Variants in ARID1B observed in about 807,000 individuals in gnomAD.
The protein encoded by ARID1B is AT-rich interaction domain 1B.
ARID1B carries 30 observed loss-of-function variants against 212.3 expected under a neutral mutation model. The observed-to-expected ratio is 0.14, with a 90% CI of 0.11 to 0.19. The LOEUF (loss-of-function observed/expected upper bound fraction) is 0.19, where lower values mean the gene tolerates loss of function less well. Among genes scored for constraint, ARID1B ranks in the 10% least tolerant of loss-of-function variants. The pLI is 1.00. For missense variants in ARID1B, 2,891 were observed against 3,204.0 expected, an observed-to-expected ratio of 0.90 and a Z score of 2.36; for synonymous variants, 1,402 against 1,301.7, an observed-to-expected ratio of 1.08 and a Z score of -1.66.
At chr6:157,194,969 C>T (rs1190803399) in intron 15 of ARID1B, 2 of 152,122 alleles carry the variant, frequency 1.3e-5, no homozygotes, top group African/African-American at 2.4e-5. Flanking sequence ...CAACATTGCA[C>T]CTCTTATCAC....
intron 6 of ARID1B, among the ~76,000 whole-genome samples, chr6:157,121,950 A>G (rs1273733407): frequency 6.6e-6 from 1 of 152,166 alleles, no homozygotes; most frequent in Non-Finnish European, 1.5e-5. Context: ...TTTATAAACT[A>G]GGTAAAGTCT....
intron 4 of ARID1B, among the ~76,000 whole-genome samples, chr6:157,040,486 T>G (rs1283819830): frequency 6.6e-6 from 1 of 152,220 alleles, no homozygotes; most frequent in Non-Finnish European, 1.5e-5. Flanking sequence ...TTTCTGTACT[T>G]TTTTTCCTAC....
chr6:157,070,244 A>G (rs972273924), intron 4 of ARID1B, among the ~76,000 whole-genome samples: 2 of 151,404 alleles, frequency 1.3e-5, no homozygotes, highest in Non-Finnish European at 2.9e-5. Flanking sequence ...GATAAAATAT[A>G]TTTCTCTTAT....
intron 1 of ARID1B, among the ~76,000 whole-genome samples, chr6:156,796,931 G>C (rs1366721619): frequency 6.8e-6 from 1 of 147,184 alleles, no homozygotes; most frequent in Non-Finnish European, 1.5e-5. Flanking sequence ...AGGTCTTTGA[G>C]AGCCTCAGAC....
intron 2 of ARID1B, among the ~76,000 whole-genome samples, chr6:156,885,771 C>T (rs1787453352): frequency 1.3e-5 from 2 of 152,196 alleles, no homozygotes; most frequent in African/African-American, 4.8e-5. Context: ...GTTCCTGTTT[C>T]TTGCCCAGTA....
intron 6 of ARID1B, among the ~76,000 whole-genome samples, chr6:157,117,651 A>G (rs574073904): frequency 1.3e-5 from 2 of 152,340 alleles, no homozygotes; most frequent in South Asian, 4.1e-4. Context: ...GCAGAGACTG[A>G]GCCAAACAAC....
intron 4 of ARID1B, among the ~76,000 whole-genome samples, chr6:157,030,077 A>G (rs1053519257): frequency 6.6e-6 from 1 of 152,182 alleles, no homozygotes; most frequent in African/African-American, 2.4e-5. Flanking sequence ...TCATGATTCT[A>G]CAGTTTGACG....
At chr6:156,805,639 A>G (rs755903824) in intron 1 of ARID1B, among the ~76,000 whole-genome samples, 6 of 151,992 alleles carry the variant, frequency 3.9e-5, no homozygotes, top group Non-Finnish European at 7.4e-5. Flanking sequence ...CTTTCCATAC[A>G]CGGAAGAAAA....
rs368362137 is a variant in ARID1B, at chr6:157,110,539, G to A, written c.2559G>A (p.Gln853=). ...CCAGTTCCCATCCCGCCTTGAGCCAGTCACCAATGCCACAGGAAAGAGGTT... is the reference window on the plus strand; with the variant it reads ...CCAGTTCCCATCCCGCCTTGAGCCAATCACCAATGCCACAGGAAAGAGGTT... ...SESSSHPALS[Q]SPMPQERGFM... is the part of the protein sequence containing the mutation. Residue 853 remains glutamine (Q), a synonymous_variant, in exon 6 of 20, where the codon CAG becomes CAA. Coordinates refer to ENST00000636930, the MANE Select transcript of ARID1B (RefSeq NM_001374828.1). 7 of 1,614,016 alleles carry A rather than the reference G, an allele frequency of 4.3e-6. No homozygotes were observed. In the African/African-American group the frequency reaches 9.3e-5, roughly 22 times the overall value.
Position 156,990,164 on chromosome 6 carries a change from T to C in ARID1B, c.2247+54588T>C, listed in dbSNP as rs184993378. 1.3e-4 allele frequency among the ~76,000 whole-genome samples: 18 copies of C among 139,696 alleles called. No individual in the cohort carries two copies. The East Asian group carries it at 3.6e-3, about 28-fold the overall frequency. The allele number at this position is 139,696 out of a possible 152,430, so 91.6% of individuals were successfully genotyped here. A position where few individuals can be genotyped will look rare whatever the true frequency, so the allele number is the denominator to read the frequency against. ...GTCAATGGACTGGTTACAGAACAGA[T>C]TTCCTTAACTTTTTTTTTTTTTTTT... On this transcript the variant is annotated intron_variant, in intron 4 of 19. Transcript: ENST00000636930.
intron 1 of ARID1B, among the ~76,000 whole-genome samples, chr6:156,792,380 A>G (rs1780072140): frequency 6.6e-6 from 1 of 152,168 alleles, no homozygotes; most frequent in African/African-American, 2.4e-5. Flanking sequence ...GAGGTAGGAG[A>G]AGTGCTTGAG....
intron 4 of ARID1B, among the ~76,000 whole-genome samples, chr6:157,051,341 T>C (rs991677276): frequency 6.6e-6 from 1 of 152,142 alleles, no homozygotes; most frequent in Non-Finnish European, 1.5e-5. Flanking sequence ...AAACAGCAGA[T>C]AGAAATGAGC....
chr6:156,944,216 T>G (rs1416429303), intron 4 of ARID1B, among the ~76,000 whole-genome samples: 1 of 152,128 alleles, frequency 6.6e-6, no homozygotes, highest in Admixed American at 6.6e-5. Flanking sequence ...AAAGTGCGGG[T>G]ACATTGAAAT....
chr6:156,945,099 A>ATTT (rs199862964), intron 4 of ARID1B, among the ~76,000 whole-genome samples: 5 of 104,632 alleles, frequency 4.8e-5, no homozygotes, highest in Non-Finnish European at 7.6e-5. Context: ...ATTTTTTTGT[A>ATTT]TATTTTTTTT....
rs924271737 is a variant in ARID1B, at chr6:156,904,057, C to A, written c.2136+2532C>A. On this transcript the variant is annotated intron_variant, in intron 3 of 19. Transcript: ENST00000636930. ...ACAAGGAAGGGATTCCGAGAAAAGT[C>A]TCTTCCCGTCTTAGTTCCCTCTGCC... Among the ~76,000 whole-genome samples, 11 of 152,298 alleles carry A rather than the reference C, an allele frequency of 7.2e-5. 1 individual carries two copies. The highest frequency in any genetic ancestry group is 3.3e-4 in the Admixed American group (5 of 15,296).
intron 6 of ARID1B, among the ~76,000 whole-genome samples, chr6:157,125,364 C>T (rs772288441): frequency 2.6e-5 from 4 of 152,158 alleles, no homozygotes; most frequent in Admixed American, 6.5e-5. Context: ...CATTTCTTGA[C>T]AGTTGGTAGC....
In ARID1B at chr6:156,880,739, CAAAAAA is replaced by C. The variant is rs141153792; in HGVS notation, c.1987-20617_1987-20612del. Among the ~76,000 whole-genome samples the C allele has an allele frequency of 4.6e-5, 4 of 86,994 alleles. No homozygotes were observed. In the East Asian group the frequency reaches 2.0e-3, roughly 44 times the overall value. 57.1% of individuals were successfully genotyped at this position (86,994 alleles called of 152,430 possible). ...TGGGCCACGGAGCGAGACTCTGTCT[CAAAAAA>C]AAAAAAAAAAAAAAAAAAAGAAAAG... is the stretch of plus-strand genomic sequence containing the variant. On this transcript the variant is annotated intron_variant, in intron 2 of 19. Transcript: ENST00000636930.
At chr6:156,892,298 A>G (rs1445653804) in intron 2 of ARID1B, among the ~76,000 whole-genome samples, 4 of 152,108 alleles carry the variant, frequency 2.6e-5, no homozygotes, top group Non-Finnish European at 5.9e-5. Flanking sequence ...TAAATTCACC[A>G]TGATTATTTC....
intron 1 of ARID1B, among the ~76,000 whole-genome samples, chr6:156,817,622 G>T (rs1782057236): frequency 6.7e-6 from 1 of 148,402 alleles, no homozygotes. Flanking sequence ...GCAGGACCTT[G>T]TCTGACTCTT....
Sources: gnomAD v4.1 joint callset for allele counts (sites outside exome capture counted in the v4.1 genomes callset) on GRCh38, gnomAD v4.1.1 for gene constraint, MANE v1.5 for transcripts, NCBI Gene and HGNC (gene_info 2026-07-23, HGNC 2026-07-21) for gene names.